ATG7: variants seen among roughly 807,000 people sequenced by gnomAD.
The protein encoded by ATG7 is ubiquitin-like modifier-activating enzyme ATG7.
In ATG7, 70 loss-of-function variants were observed where a neutral mutation model predicts 82.4. The ratio of observed to expected loss-of-function variants is 0.85; its 90% confidence interval spans 0.70 to 1.04. ATG7 has a LOEUF of 1.04. Ranked by LOEUF, ATG7 falls within the 50% of genes least tolerant of loss-of-function variation. The probability of loss-of-function intolerance (pLI) is 0.00; values close to 1 mark genes in which losing one functional copy is unlikely to be tolerated. For missense variants in ATG7, 792 were observed against 864.3 expected (o/e 0.92, Z 1.05); for synonymous variants, 287 against 313.0 (o/e 0.92, Z 0.88).
chr3:11,386,492 G>T (rs2078324094), intron 19 of ATG7, among the ~76,000 whole-genome samples: 1 of 152,106 alleles, frequency 6.6e-6, no homozygotes, highest in Non-Finnish European at 1.5e-5. Flanking sequence ...TCTCAGATTT[G>T]ATAGGGTTTT....
At chr3:11,451,486 A>T (rs1281464906) in intron 20 of ATG7, among the ~76,000 whole-genome samples, 2 of 152,104 alleles carry the variant, frequency 1.3e-5, no homozygotes, top group African/African-American at 2.4e-5. Flanking sequence ...GAAAGTCGGC[A>T]TTACTAGCCC....
chr3:11,297,883 G>C (rs1559346099), intron 3 of ATG7, among the ~76,000 whole-genome samples: 7 of 152,194 alleles, frequency 4.6e-5, no homozygotes, highest in Admixed American at 2.0e-4. Context: ...TTCTGAGACA[G>C]TGTCTGTGTC....
Position 11,521,917 on chromosome 3 carries a change from G to A in ATG7, c.2080-32894G>A, listed in dbSNP as rs111702050. ...ATGACTCTAGACTGCCGCCGCTGCC[G>A]ACAACAATAACAAAGTAGATAAAGC... is the stretch of plus-strand genomic sequence containing the variant. On this transcript the variant is annotated intron_variant, in intron 20 of 20. Transcript: ENST00000693202. Among the ~76,000 whole-genome samples the A allele has an allele frequency of 1.9e-3, 296 of 152,220 alleles. 2 individuals are homozygous for A. The highest frequency in any genetic ancestry group is 6.2e-3 in the African/African-American group (259 of 41,528).
intron 20 of ATG7, among the ~76,000 whole-genome samples, chr3:11,480,903 A>C (rs1396659143): frequency 1.3e-5 from 2 of 152,198 alleles, no homozygotes; most frequent in Admixed American, 6.5e-5. Flanking sequence ...ACCACCTGCT[A>C]ATACATCTGA....
intron 19 of ATG7, among the ~76,000 whole-genome samples, chr3:11,383,060 T>C (rs2078036478): frequency 6.6e-6 from 1 of 152,210 alleles, no homozygotes; most frequent in Non-Finnish European, 1.5e-5. Flanking sequence ...AAACACAATA[T>C]CCTTATCAAA....
At chr3:11,391,966 G>C (rs1010550529) in intron 19 of ATG7, among the ~76,000 whole-genome samples, 8 of 138,366 alleles carry the variant, frequency 5.8e-5, no homozygotes, top group Non-Finnish European at 9.3e-5. Context: ...ATTGGGGGGG[G>C]GGTAATTTCA....
chr3:11,566,185 C>T, the ATG7 span, among the ~76,000 whole-genome samples: 1 of 152,126 alleles, frequency 6.6e-6, no homozygotes, highest in South Asian at 2.1e-4. Flanking sequence ...GTTACGCATG[C>T]ACACAGAATG....
intron 20 of ATG7, among the ~76,000 whole-genome samples, chr3:11,439,723 G>A (rs547414750): frequency 1.3e-5 from 2 of 152,310 alleles, no homozygotes; most frequent in Admixed American, 6.5e-5. Flanking sequence ...TTTGAGGTGC[G>A]TCTTGAAGGT....
chr3:11,445,308 C>T (rs1422936346), intron 20 of ATG7, among the ~76,000 whole-genome samples: 3 of 152,160 alleles, frequency 2.0e-5, no homozygotes, highest in African/African-American at 7.2e-5. Flanking sequence ...AACTTAAATG[C>T]CCATCAGTGG....
At chr3:11,448,602 G>A (rs1420886615) in intron 20 of ATG7, among the ~76,000 whole-genome samples, 1 of 152,208 alleles carries the variant, frequency 6.6e-6, no homozygotes. Flanking sequence ...GAGCAGTTGT[G>A]GGGTATCATG....
chr3:11,470,322 TG>T (rs1300462629), intron 20 of ATG7, among the ~76,000 whole-genome samples: 1 of 152,252 alleles, frequency 6.6e-6, no homozygotes, highest in Non-Finnish European at 1.5e-5. Flanking sequence ...TTAGGCTATA[TG>T]GTCCAGCCTA....
chr3:11,419,267 A>G (rs2081705978), intron 19 of ATG7, among the ~76,000 whole-genome samples: 1 of 152,100 alleles, frequency 6.6e-6, no homozygotes, highest in Non-Finnish European at 1.5e-5. Flanking sequence ...ATAATAGACA[A>G]ACAAGCTGGG....
intron 3 of ATG7, among the ~76,000 whole-genome samples, chr3:11,294,942 A>T (rs1044020495): frequency 6.6e-6 from 1 of 152,130 alleles, no homozygotes; most frequent in Non-Finnish European, 1.5e-5. Flanking sequence ...GTGAAACCAC[A>T]TCTCTCCTAA....
At chr3:11,572,435 G>T in the ATG7 span, among the ~76,000 whole-genome samples, 5 of 152,180 alleles carry the variant, frequency 3.3e-5, no homozygotes, top group Admixed American at 6.5e-5. Flanking sequence ...ATGAAAATGT[G>T]CTCTCATATT....
chr3:11,427,332 CT>C (rs1411157397), intron 20 of ATG7, among the ~76,000 whole-genome samples: 1 of 152,096 alleles, frequency 6.6e-6, no homozygotes, highest in East Asian at 1.9e-4. Context: ...TGGCCATGTT[CT>C]TCAGAAAGAA....
rs377119166 is a variant in ATG7, at chr3:11,306,971, C to G, written c.244C>G (p.Pro82Ala). The part of the protein sequence containing the change: ...MSAPTPARCC[P>A]AIGTLYNTNT... ...TGCTCCCACCCCAGCCCGTTGCTGC[C>G]CAGCTATTGGAACACTGTATAACAC... Residue 82 changes from proline to alanine, a missense_variant, in exon 6 of 21, where the codon CCA becomes GCA. Transcript: ENST00000693202. 3 of 1,613,860 alleles carry G rather than the reference C, an allele frequency of 1.9e-6. No homozygotes were observed. Among genetic ancestry groups the G allele is most frequent in the South Asian group, 1.1e-5 (1 of 91,072 alleles).
intron 5 of ATG7, among the ~76,000 whole-genome samples, chr3:11,300,029 T>G (rs1946540282): frequency 6.6e-6 from 1 of 151,932 alleles, no homozygotes; most frequent in African/African-American, 2.4e-5. Flanking sequence ...AGTTCAAGCT[T>G]TTCTCGTGCC....
chr3:11,393,450 A>G (rs1041220037), intron 19 of ATG7, among the ~76,000 whole-genome samples: 3 of 152,202 alleles, frequency 2.0e-5, no homozygotes, highest in African/African-American at 4.8e-5. Context: ...ACATACTTGC[A>G]TGCATTCATA....
intron 19 of ATG7, among the ~76,000 whole-genome samples, chr3:11,412,969 A>C (rs926307510): frequency 6.6e-6 from 1 of 152,120 alleles, no homozygotes; most frequent in African/African-American, 2.4e-5. Flanking sequence ...AAATAAACTT[A>C]TAGTTTCTTT....
Sources: gnomAD v4.1 joint callset for allele counts (sites outside exome capture counted in the v4.1 genomes callset) on GRCh38, gnomAD v4.1.1 for gene constraint, MANE v1.5 for transcripts, NCBI Gene and HGNC (gene_info 2026-07-23, HGNC 2026-07-21) for gene names.